Variants in FAM186A observed in about 807,000 individuals in gnomAD.
FAM186A encodes protein FAM186A.
A neutral mutation model predicts 216.8 loss-of-function variants in FAM186A; 163 were observed. The observed-to-expected ratio is 0.75, with a 90% CI of 0.66 to 0.86. The LOEUF is 0.86. FAM186A is among the 40% of genes least tolerant of loss of function. FAM186A has a pLI of 0.00. For synonymous variants in FAM186A, 805 were observed against 1,025.3 expected (o/e 0.79, Z 4.10); for missense variants, 2,184 against 2,746.2 (o/e 0.80, Z 4.58).
chr12:50,369,779 A>G (rs1044354247), intron 1 of FAM186A, among the ~76,000 whole-genome samples: 10 of 152,034 alleles, frequency 6.6e-5, no homozygotes, highest in Non-Finnish European at 1.5e-4. Flanking sequence ...AGTTGAAGTC[A>G]GGAGTTTGAG....
chr12:50,393,116 C>T (rs1446208458), intron 1 of FAM186A, among the ~76,000 whole-genome samples: 2 of 151,326 alleles, frequency 1.3e-5, no homozygotes, highest in Admixed American at 1.3e-4. Context: ...TTAGTAGAGA[C>T]GGGGTTTCGC....
Position 50,350,466 on chromosome 12 carries a change from A to G in FAM186A, c.6366T>C (p.Ala2122=). ...GTGAAGGGAGTCCACAAGTTTTTATAGCCTGATTTAATAGTATCAGGTTCT... is the reference window on the plus strand; with the variant it reads ...GTGAAGGGAGTCCACAAGTTTTTATGGCCTGATTTAATAGTATCAGGTTCT... ...QKKNLILLNQ[A]IKTCGLPSQL... is the part of the protein sequence containing the mutation. Residue 2122 remains alanine, a synonymous_variant, in exon 4 of 8, where the codon GCT becomes GCC. Coordinates refer to ENST00000327337, the MANE Select transcript of FAM186A (RefSeq NM_001145475.3). The G allele has an allele frequency of 1.7e-5, 26 of 1,551,624 alleles. No individual in the cohort carries two copies. The highest frequency in any genetic ancestry group is 2.3e-5 in the Non-Finnish European group (26 of 1,146,980).
rs1942930783 is a variant in FAM186A, at chr12:50,353,342, C to G, written c.3490G>C (p.Ala1164Pro). The G allele has an allele frequency of 1.0e-5, 16 of 1,538,516 alleles. No homozygotes were observed. Among genetic ancestry groups the G allele is most frequent in the Non-Finnish European group, 1.2e-5 (14 of 1,141,378 alleles). The change falls in exon 4 of 8, where the codon GCT becomes CCT. Residue 1164 changes from alanine to proline, a missense_variant. Around this residue, in one of 7 missense-constraint regions of FAM186A, gnomAD observed 267 missense variants for 446.2 expected, o/e 0.60. Transcript: ENST00000327337. Reference protein sequence around the residue: ...APGISLTTQQAQKLGIPLTPQ... With the variant: ...APGISLTTQQPQKLGIPLTPQ... ...GTAAGAGGGATCCCTAGTTTCTGAG[C>G]CTGCTGAGTGGTGAGAGAGATCCCC... is the stretch of plus-strand genomic sequence containing the variant.
chr12:50,330,652 C>CGT lies in FAM186A; in HGVS notation c.6954_6955insAC (p.Gly2319ThrfsTer12). 1 of 1,550,556 alleles carries CGT rather than the reference C, an allele frequency of 6.4e-7. No individual in the cohort carries two copies. The highest frequency in any genetic ancestry group is 8.7e-7 in the Non-Finnish European group (1 of 1,146,520). ...AGCAGCCTGGGAATATCTGGGTACC[C>CGT]ACCCAGCTGGGCCCAGAGTGAATGC... On this transcript the variant is annotated frameshift_variant, in exon 7 of 8. Coordinates refer to ENST00000327337, the MANE Select transcript of FAM186A (RefSeq NM_001145475.3). LOFTEE classifies it high-confidence loss of function.
intron 1 of FAM186A, among the ~76,000 whole-genome samples, chr12:50,389,795 T>C (rs1362977484): frequency 1.3e-5 from 2 of 152,208 alleles, no homozygotes; most frequent in East Asian, 3.8e-4. Flanking sequence ...TCCACTGTCG[T>C]TCTCCAAAAT....
chr12:50,360,794 G>A lies in FAM186A; in HGVS notation c.545C>T (p.Ser182Phe). 6.5e-7 allele frequency: 1 copy of A among 1,541,812 alleles called. No individual in the cohort carries two copies. The highest frequency in any genetic ancestry group is 8.7e-7 in the Non-Finnish European group (1 of 1,144,088). Residue 182 changes from serine (S) to phenylalanine (F), a missense_variant, in exon 3 of 8, where the codon TCT (serine) becomes TTT (phenylalanine). Physicochemically the swap from Ser to Phe is radical, Grantham distance 155 (BLOSUM62 -2). Around this residue, in one of 7 missense-constraint regions of FAM186A, gnomAD observed 1,132 missense variants for 1,263.4 expected, o/e 0.90. Coordinates refer to ENST00000327337, the MANE Select transcript of FAM186A (RefSeq NM_001145475.3). ...NVKILSRFST[S>F]FLDEKKKQKK... ...TTGTTTCTTCTTTTCGTCGAGGAAA[G>A]ATGTACTAAATCTGCTTAGTATCTT... is the stretch of plus-strand genomic sequence containing the variant.
intron 1 of FAM186A, among the ~76,000 whole-genome samples, chr12:50,388,447 C>G (rs1326308908): frequency 6.6e-6 from 1 of 151,572 alleles, no homozygotes; most frequent in South Asian, 2.1e-4. Context: ...GTGAAACCCC[C>G]CTCTCTACTA....
chr12:50,346,073 G>A (rs1942808810), intron 4 of FAM186A, among the ~76,000 whole-genome samples: 2 of 148,888 alleles, frequency 1.3e-5, no homozygotes, highest in South Asian at 4.3e-4. Context: ...TCAGGAGGCT[G>A]TGTAGAAGGA....
In FAM186A at chr12:50,360,848, T is replaced by C; in HGVS notation, c.491A>G (p.Asp164Gly). The C allele has an allele frequency of 1.3e-6, 2 of 1,551,384 alleles. No homozygotes were observed. Among genetic ancestry groups the C allele is most frequent in the East Asian group, 4.9e-5 (2 of 40,904 alleles). ...ATTGTTCTCAATAGCTTTTAACGTG[T>C]CCGGTAACAACTCCATTTGTGCTAT... ...HWIAQMELLP[D>G]TLKAIENNVK... is the part of the protein sequence containing the mutation. The change falls in exon 3 of 8, where the codon GAC becomes GGC. Residue 164 changes from aspartate to glycine, a missense_variant. This residue lies in a region of FAM186A where 1,132 missense variants were observed against 1,263.4 expected (regional missense o/e 0.90). Coordinates refer to ENST00000327337, the MANE Select transcript of FAM186A (RefSeq NM_001145475.3).
chr12:50,384,656 C>T (rs1222081207), intron 1 of FAM186A, among the ~76,000 whole-genome samples: 2 of 82,026 alleles, frequency 2.4e-5, no homozygotes, highest in East Asian at 2.4e-4. Flanking sequence ...ATTTCACAGT[C>T]GATTGATTTT....
intron 3 of FAM186A, among the ~76,000 whole-genome samples, chr12:50,357,179 G>A (rs556958717): frequency 2.0e-5 from 3 of 152,086 alleles, no homozygotes; most frequent in South Asian, 4.1e-4. Context: ...GCTTGCCTTG[G>A]TTCTTTCAAA....
chr12:50,373,547 C>G (rs1458741275), intron 1 of FAM186A, among the ~76,000 whole-genome samples: 3 of 152,198 alleles, frequency 2.0e-5, no homozygotes, highest in African/African-American at 7.2e-5. Context: ...AAACTACAAA[C>G]CAATATCCCT....
At chr12:50,383,877 T>C (rs1249626412) in intron 1 of FAM186A, among the ~76,000 whole-genome samples, 1 of 152,122 alleles carries the variant, frequency 6.6e-6, no homozygotes, top group East Asian at 1.9e-4. Context: ...CCCAGCACTT[T>C]GGGAGGCCGA....
At chr12:50,390,820 A>G (rs1943349921) in intron 1 of FAM186A, among the ~76,000 whole-genome samples, 1 of 152,030 alleles carries the variant, frequency 6.6e-6, no homozygotes, top group Non-Finnish European at 1.5e-5. Context: ...TAATCCCAGC[A>G]TTTTGGGAGG....
At chr12:50,331,174 C>T (rs1942652682) in intron 6 of FAM186A, among the ~76,000 whole-genome samples, 1 of 152,146 alleles carries the variant, frequency 6.6e-6, no homozygotes, top group South Asian at 2.1e-4. Context: ...GAGGAACTCA[C>T]AATCCAATGT....
chr12:50,378,085 G>A (rs1001986714), intron 1 of FAM186A, among the ~76,000 whole-genome samples: 7 of 151,894 alleles, frequency 4.6e-5, no homozygotes, highest in South Asian at 4.1e-4. Context: ...ATTAGCCGGC[G>A]TGGTGGCCAC....
chr12:50,371,890 G>A (rs1943145140), intron 1 of FAM186A, among the ~76,000 whole-genome samples: 1 of 151,944 alleles, frequency 6.6e-6, no homozygotes, highest in South Asian at 2.1e-4. Context: ...TTGGCTCACG[G>A]CAACATCGGC....
chr12:50,386,441 A>G (rs1943304389), intron 1 of FAM186A, among the ~76,000 whole-genome samples: 1 of 152,104 alleles, frequency 6.6e-6, no homozygotes, highest in South Asian at 2.1e-4. Flanking sequence ...ACAAACAAAG[A>G]AACAAACAAA....
rs372724312 is a variant in FAM186A, at chr12:50,354,509, T to C, written c.2323A>G (p.Ser775Gly). The part of the protein sequence containing the change: ...QKSPISAKSE[S>G]STLLSYESTD... ...CTCTCATATGAGAGGAGGGTACTGC[T>C]TTCAGATTTTGCACTAATTGGTGAC... is the stretch of plus-strand genomic sequence containing the variant. The change falls in exon 4 of 8, where the codon AGC becomes GGC. Residue 775 changes from serine (S) to glycine (G), a missense_variant. Ser to Gly is a moderately conservative substitution (Grantham distance 56). Around this residue, in one of 7 missense-constraint regions of FAM186A, gnomAD observed 1,132 missense variants for 1,263.4 expected, o/e 0.90. Coordinates refer to ENST00000327337, the MANE Select transcript of FAM186A (RefSeq NM_001145475.3). The C allele has an allele frequency of 4.0e-5, 62 of 1,551,580 alleles. No individual in the cohort carries two copies. The highest frequency in any genetic ancestry group is 5.3e-5 in the Non-Finnish European group (61 of 1,147,010).
Sources: allele counts gnomAD v4.1 joint callset (sites outside exome capture counted in the v4.1 genomes callset), GRCh38; gene constraint gnomAD v4.1.1; regional missense constraint gnomAD v4.1.1; transcripts MANE v1.5; gene names NCBI Gene and HGNC (gene_info 2026-07-23, HGNC 2026-07-21).